Variants in SYNE2 observed in about 807,000 individuals in gnomAD.
SYNE2 encodes the protein nesprin-2.
Under a neutral mutation model 856.3 loss-of-function variants are expected in SYNE2, and 431 were observed. That is an observed-to-expected ratio of 0.50 (90% CI 0.47 to 0.55). The LOEUF is 0.55. Among genes scored for constraint, SYNE2 ranks in the 20% least tolerant of loss-of-function variants. SYNE2 has a pLI of 0.00. For synonymous variants in SYNE2, 2,923 were observed against 2,872.3 expected, an observed-to-expected ratio of 1.02 and a Z score of -0.56; for missense variants, 8,129 against 8,023.2, an observed-to-expected ratio of 1.01 and a Z score of -0.50.
chr14:63,971,255 G>T (rs1199091134), intron 11 of SYNE2, among the ~76,000 whole-genome samples: 1 of 151,674 alleles, frequency 6.6e-6, no homozygotes, highest in African/African-American at 2.4e-5. Context: ...GGGACAACAG[G>T]CATGCATCAC....
chr14:63,980,125 T>C (rs2096574761), intron 14 of SYNE2, among the ~76,000 whole-genome samples: 1 of 152,206 alleles, frequency 6.6e-6, no homozygotes, highest in Admixed American at 6.5e-5. Context: ...TAAATATTCA[T>C]ACTATTGGCA....
chr14:64,129,668 G>A (rs2097992243), intron 74 of SYNE2, 114 bp from the exon 75 acceptor site: 1 of 1,486,844 alleles, frequency 6.7e-7, no homozygotes, highest in Non-Finnish European at 9.1e-7. Flanking sequence ...CGGGAGCTGG[G>A]ATTTTTGCTT....
intron 6 of SYNE2, among the ~76,000 whole-genome samples, chr14:63,948,765 T>C (rs1302618286): frequency 3.1e-5 from 2 of 64,096 alleles, no homozygotes; most frequent in Non-Finnish European, 6.5e-5. Flanking sequence ...TATATGTATA[T>C]ATATGTATGT....
chr14:63,892,208 G>A (rs1035287755), intron 1 of SYNE2, among the ~76,000 whole-genome samples: 1 of 127,960 alleles, frequency 7.8e-6, no homozygotes, highest in African/African-American at 2.5e-5. Flanking sequence ...TTATTCAAAC[G>A]CTTGACAAAC....
At chr14:64,140,513 G>A (rs1380882033) in intron 80 of SYNE2, among the ~76,000 whole-genome samples, 4 of 152,182 alleles carry the variant, frequency 2.6e-5, no homozygotes, top group African/African-American at 9.6e-5. Context: ...ACCGCGGTGG[G>A]TGGAGGTTGC....
chr14:64,064,177 C>T (rs950725979), intron 50 of SYNE2, among the ~76,000 whole-genome samples: 1 of 152,038 alleles, frequency 6.6e-6, no homozygotes, highest in Admixed American at 6.6e-5. Flanking sequence ...ATGATATAGC[C>T]ATGGTGAGGT....
At chr14:63,795,706 G>A (rs1294425054) in intron 1 of SYNE2, among the ~76,000 whole-genome samples, 1 of 152,088 alleles carries the variant, frequency 6.6e-6, no homozygotes, top group Non-Finnish European at 1.5e-5. Flanking sequence ...CAACGTGAAT[G>A]TTCACAGCAG....
intron 57 of SYNE2, among the ~76,000 whole-genome samples, chr14:64,082,085 CA>C (rs796494220): frequency 2.2e-3 from 297 of 137,592 alleles, no homozygotes; most frequent in African/African-American, 5.0e-3. Context: ...GACTCCGTCT[CA>C]AAAAAAAAAA....
intron 26 of SYNE2, among the ~76,000 whole-genome samples, chr14:63,998,595 T>C (rs976858171): frequency 2.6e-5 from 4 of 152,220 alleles, no homozygotes; most frequent in African/African-American, 9.7e-5. Flanking sequence ...AGAGTGTCGT[T>C]CTGTCGCCCA....
chr14:64,064,676 G>A (rs575162648), intron 50 of SYNE2, among the ~76,000 whole-genome samples: 4 of 148,458 alleles, frequency 2.7e-5, no homozygotes, highest in East Asian at 2.1e-4. Flanking sequence ...ATCCCAGCCC[G>A]CTGAGTAGCT....
At chr14:64,006,655 C>A (rs1450040723) in intron 30 of SYNE2, among the ~76,000 whole-genome samples, 8 of 151,834 alleles carry the variant, frequency 5.3e-5, no homozygotes, top group Non-Finnish European at 1.2e-4. Flanking sequence ...ATAGTGAGAC[C>A]CCATCTCTAC....
intron 51 of SYNE2, among the ~76,000 whole-genome samples, chr14:64,066,617 C>T (rs1358610398): frequency 2.6e-5 from 4 of 152,178 alleles, no homozygotes; most frequent in Non-Finnish European, 5.9e-5. Context: ...TGTCAGTGGT[C>T]CTGGTGAGGC....
intron 45 of SYNE2, among the ~76,000 whole-genome samples, chr14:64,035,241 G>A (rs888473995): frequency 3.3e-5 from 5 of 151,880 alleles, no homozygotes; most frequent in Admixed American, 6.6e-5. Context: ...TGAGTGACCC[G>A]GAACAAAGCC....
At chr14:64,023,947 A>C in intron 38 of SYNE2, 1 of 321,670 alleles carries the variant, frequency 3.1e-6, no homozygotes, top group Non-Finnish European at 6.0e-6. Context: ...TATTTGGGCA[A>C]CGTTAAATAG....
chr14:64,159,460 A>G lies in SYNE2; in HGVS notation c.16094+18A>G. ...CATAAAAGGTATGCTTTCAGATATAATTTGAATGATAGATATCTTTATCTT... is the reference window on the plus strand; with the variant it reads ...CATAAAAGGTATGCTTTCAGATATAGTTTGAATGATAGATATCTTTATCTT... On this transcript the variant is annotated intron_variant, in intron 87 of 115. Coordinates refer to ENST00000555002, the MANE Select transcript of SYNE2 (RefSeq NM_182914.3). The G allele has an allele frequency of 6.2e-7, 1 of 1,612,172 alleles. No homozygotes were observed. The highest frequency in any genetic ancestry group is 8.5e-7 in the Non-Finnish European group (1 of 1,178,992).
At chr14:63,947,612 G>GACC (rs1034755525) in intron 6 of SYNE2, among the ~76,000 whole-genome samples, 4 of 152,034 alleles carry the variant, frequency 2.6e-5, no homozygotes, top group African/African-American at 9.7e-5. Flanking sequence ...GAGGCAGGTG[G>GACC]ACCACCTGAG....
chr14:63,846,288 T>C (rs1423989931), intron 1 of SYNE2, among the ~76,000 whole-genome samples: 1 of 152,026 alleles, frequency 6.6e-6, no homozygotes, highest in East Asian at 1.9e-4. Flanking sequence ...GCTCAAGCCA[T>C]CTGCCTGCCT....
At chr14:63,910,126 A>G (rs2095455415) in intron 2 of SYNE2, among the ~76,000 whole-genome samples, 1 of 152,240 alleles carries the variant, frequency 6.6e-6, no homozygotes, top group South Asian at 2.1e-4. Flanking sequence ...GAAAATATTT[A>G]TGGAACTATG....
intron 1 of SYNE2, among the ~76,000 whole-genome samples, chr14:63,891,254 G>A (rs1003349654): frequency 6.6e-6 from 1 of 152,152 alleles, no homozygotes; most frequent in Non-Finnish European, 1.5e-5. Context: ...AATTACTTAC[G>A]TAGGCATGAA....
Sources: allele counts gnomAD v4.1 joint callset (sites outside exome capture counted in the v4.1 genomes callset), GRCh38; gene constraint gnomAD v4.1.1; transcripts MANE v1.5; gene names NCBI Gene and HGNC (gene_info 2026-07-23, HGNC 2026-07-21).